The following PSMD11 variants were observed in gnomAD, a reference collection of about 807,000 sequenced individuals.
PSMD11 encodes the protein 26S proteasome non-ATPase regulatory subunit 11.
A neutral mutation model predicts 62.3 loss-of-function variants in PSMD11; 5 were observed. That is an observed-to-expected ratio of 0.08 (90% confidence interval 0.04 to 0.17). The LOEUF (loss-of-function observed/expected upper bound fraction) is 0.17, where lower values mean the gene tolerates loss of function less well. Ranked by LOEUF, PSMD11 falls within the 10% of genes least tolerant of loss-of-function variation. The pLI, the probability that PSMD11 is intolerant of heterozygous loss-of-function variation, is 1.00. For missense variants in PSMD11, 310 were observed against 512.9 expected (o/e 0.60, Z 3.82); for synonymous variants, 191 against 191.8 (o/e 1.00, Z 0.03).
Position 32,469,150 on chromosome 17 carries a change from C to T in PSMD11, c.600C>T (p.Ile200=). ...CTGCTCGAACCACAGCAAATGCCAT[C>T]TACTGCCCCCCTAAATTGCAGGCCA... is the stretch of plus-strand genomic sequence containing the variant. ...LTSARTTANA[I]YCPPKLQATL... is the part of the protein sequence containing the mutation. Residue 200 remains isoleucine (I), a synonymous_variant, in exon 6 of 14, where the codon ATC becomes ATT. Coordinates refer to ENST00000261712, the MANE Select transcript of PSMD11 (RefSeq NM_002815.4). 6.2e-7 allele frequency: 1 copy of T among 1,614,112 alleles called. No individual in the cohort carries two copies. The highest frequency in any genetic ancestry group is 1.1e-5 in the South Asian group (1 of 91,078).
intron 7 of PSMD11, 146 bp downstream of exon 7, chr17:32,474,091 G>A (rs538314916): frequency 9.4e-6 from 9 of 959,014 alleles, no homozygotes; most frequent in Non-Finnish European, 1.2e-5. Context: ...GGTAGAGCGG[G>A]AGGATCAAAA....
At chr17:32,452,548 A>G (rs1907537076) in intron 2 of PSMD11, among the ~76,000 whole-genome samples, 1 of 152,220 alleles carries the variant, frequency 6.6e-6, no homozygotes, top group Non-Finnish European at 1.5e-5. Flanking sequence ...TAAAATTCAC[A>G]GTTATTGCCA....
intron 1 of PSMD11, among the ~76,000 whole-genome samples, chr17:32,446,423 A>G (rs1478853531): frequency 6.6e-6 from 1 of 152,218 alleles, no homozygotes; most frequent in Non-Finnish European, 1.5e-5. Flanking sequence ...GAATGGCTTT[A>G]TAGACCTGCT....
At chr17:32,461,229 C>T (rs1159924983) in intron 3 of PSMD11, among the ~76,000 whole-genome samples, 1 of 151,922 alleles carries the variant, frequency 6.6e-6, no homozygotes, top group Non-Finnish European at 1.5e-5. Context: ...AGGTGCACAC[C>T]ACCACACCCT....
chr17:32,456,827 G>A (rs566890987), intron 3 of PSMD11, among the ~76,000 whole-genome samples: 9 of 152,286 alleles, frequency 5.9e-5, no homozygotes, highest in African/African-American at 1.9e-4. Context: ...CACCGTGCCT[G>A]GCCCTAATTT....
At chr17:32,453,151 G>A (rs547035054) in intron 2 of PSMD11, among the ~76,000 whole-genome samples, 2 of 152,112 alleles carry the variant, frequency 1.3e-5, no homozygotes, top group East Asian at 3.9e-4. Flanking sequence ...GTGGGAGAAG[G>A]GACATTGCTT....
At chr17:32,465,847 C>T (rs897739607) in intron 5 of PSMD11, among the ~76,000 whole-genome samples, 2 of 152,052 alleles carry the variant, frequency 1.3e-5, no homozygotes, top group African/African-American at 4.8e-5. Flanking sequence ...TGGTGGTGCA[C>T]ACCTGTAATC....
chr17:32,458,710 A>G (rs1369989977), intron 3 of PSMD11, among the ~76,000 whole-genome samples: 2 of 152,230 alleles, frequency 1.3e-5, no homozygotes, highest in Non-Finnish European at 2.9e-5. Context: ...CACATCCACT[A>G]TACTAGTCTC....
intron 2 of PSMD11, among the ~76,000 whole-genome samples, chr17:32,447,885 C>CT (rs755811348): frequency 1.8e-3 from 254 of 141,064 alleles, no homozygotes; most frequent in African/African-American, 2.9e-3. Flanking sequence ...TTTTCTTTTT[C>CT]TTTTTTTTTT....
chr17:32,453,817 G>A (rs1341443153), intron 2 of PSMD11, among the ~76,000 whole-genome samples: 1 of 152,138 alleles, frequency 6.6e-6, no homozygotes, highest in East Asian at 1.9e-4. Context: ...TATATAGTGG[G>A]GGAAAAGCTC....
In PSMD11 at chr17:32,463,907, AC is replaced by A; in HGVS notation, c.319-141del. The A allele has an allele frequency of 6.8e-6, 5 of 734,080 alleles. No homozygotes were observed. The South Asian group carries it at 8.2e-5, about 12-fold the overall frequency. 45.5% of individuals were successfully genotyped at this position (734,080 alleles called of 1,614,324 possible). On this transcript the variant is annotated intron_variant, in intron 3 of 13. Coordinates refer to ENST00000261712, the MANE Select transcript of PSMD11 (RefSeq NM_002815.4). ...TGCTCCATTATGATATAACTATTACACATTGAGATACTGTGGATCAGACACT... is the reference window on the plus strand; with the variant it reads ...TGCTCCATTATGATATAACTATTACAATTGAGATACTGTGGATCAGACACT...
At chr17:32,465,084 CTT>C (rs933938104) in intron 5 of PSMD11, among the ~76,000 whole-genome samples, 1 of 143,834 alleles carries the variant, frequency 7.0e-6, no homozygotes. Flanking sequence ...ATCTTCTCTG[CTT>C]TTTTTTTTTA....
At chr17:32,468,747 G>A (rs1403081117) in intron 5 of PSMD11, among the ~76,000 whole-genome samples, 2 of 152,134 alleles carry the variant, frequency 1.3e-5, no homozygotes, top group African/African-American at 4.8e-5. Context: ...TAAATCTTAG[G>A]AGTAAGCTCA....
chr17:32,447,077 T>C (rs571529651), intron 2 of PSMD11, 31 bp downstream of exon 2: 2 of 1,500,992 alleles, frequency 1.3e-6, no homozygotes, highest in South Asian at 2.3e-5. Flanking sequence ...GTATCTGAAA[T>C]GCTCAGTGAA....
intron 5 of PSMD11, among the ~76,000 whole-genome samples, 188 bp from the exon 6 acceptor site, chr17:32,468,811 G>C (rs1295129912): frequency 1.3e-5 from 2 of 152,074 alleles, no homozygotes; most frequent in Non-Finnish European, 2.9e-5. Context: ...TCAAAGAGGT[G>C]TGTTTTTCTC....
chr17:32,473,462 T>G (rs1229514055), intron 6 of PSMD11, among the ~76,000 whole-genome samples: 1 of 151,850 alleles, frequency 6.6e-6, no homozygotes, highest in East Asian at 1.9e-4. Context: ...GTAATTTTAG[T>G]AGAGATGGGA....
intron 3 of PSMD11, among the ~76,000 whole-genome samples, chr17:32,457,028 A>G (rs542469783): frequency 2.0e-5 from 3 of 152,216 alleles, no homozygotes; most frequent in African/African-American, 4.8e-5. Context: ...GTGCTCTGCT[A>G]TAGTTCGCTA....
At chr17:32,473,305 T>C (rs373102160) in intron 6 of PSMD11, among the ~76,000 whole-genome samples, 2 of 151,266 alleles carry the variant, frequency 1.3e-5, no homozygotes, top group East Asian at 3.9e-4. Flanking sequence ...AGACGGAAGT[T>C]TGCCCTTGTT....
At position 32,459,142 on chromosome 17, in the gene PSMD11, A is replaced by AT. The variant is rs550831770; in HGVS notation, c.318+4534dup. 2.1e-3 allele frequency among the ~76,000 whole-genome samples: 276 copies of AT among 132,352 alleles called. 5 individuals are homozygous for AT. The East Asian group carries it at 0.044, about 21-fold the overall frequency. 86.8% of individuals were successfully genotyped at this position (132,352 alleles called of 152,430 possible). ...TATATATATATATATATATATATGT[A>AT]TTTTTTTTTTTGCTTATATACTCTT... On this transcript the variant is annotated intron_variant, in intron 3 of 13. Transcript: ENST00000261712.
Sources: gnomAD v4.1 joint callset for allele counts (sites outside exome capture counted in the v4.1 genomes callset) on GRCh38, gnomAD v4.1.1 for gene constraint, MANE v1.5 for transcripts, NCBI Gene and HGNC (gene_info 2026-07-23, HGNC 2026-07-21) for gene names.